SCO1: variants seen among roughly 807,000 people sequenced by gnomAD.
SCO1 encodes the protein synthesis of cytochrome C oxidase 1.
In SCO1, 23 loss-of-function variants were observed where a neutral mutation model predicts 34.0. The observed-to-expected ratio is 0.68, with a 90% CI of 0.49 to 0.96. SCO1 has a LOEUF of 0.96. SCO1 is among the 40% of genes least tolerant of loss of function. SCO1 has a pLI of 0.00. For synonymous variants in SCO1, 161 were observed against 145.5 expected (o/e 1.11, Z -0.77); for missense variants, 404 against 381.6 (o/e 1.06, Z -0.49).
chr17:10,681,297 A>G, intron 5 of SCO1, 44 bp from the exon 6 acceptor site: 1 of 1,605,962 alleles, frequency 6.2e-7, no homozygotes, highest in Admixed American at 1.7e-5. Flanking sequence ...TTACCAAAAT[A>G]AGCTGCTTAT....
At chr17:10,684,722 T>C (rs2151453290) in intron 5 of SCO1, among the ~76,000 whole-genome samples, 2 of 152,370 alleles carry the variant, frequency 1.3e-5, no homozygotes, top group South Asian at 4.1e-4. Context: ...ATCAGACTGA[T>C]GAGCTCATCT....
Position 10,691,976 on chromosome 17 carries a change from T to C in SCO1, c.563-12A>G, listed in dbSNP as rs1048084709. On this transcript the variant is annotated splice_polypyrimidine_tract_variant and intron_variant, in intron 3 of 5. Transcript: ENST00000255390. ...AGTTGTAATGCTATCTGAAAGAGAG[T>C]TCCAATTAGTCCGTATTCACACCCT... 3.8e-6 allele frequency: 6 copies of C among 1,570,596 alleles called. No homozygotes were observed. The highest frequency in any genetic ancestry group is 8.8e-7 in the Non-Finnish European group (1 of 1,141,260).
rs2074570666 is a variant in SCO1, at chr17:10,674,914, G to A, written c.*6205C>T. On this transcript the variant is annotated 3_prime_UTR_variant, in exon 6 of 6. Coordinates refer to ENST00000255390, the MANE Select transcript of SCO1 (RefSeq NM_004589.4). Reference sequence around the variant, plus strand: ...TGTCCCTGGCTTACTCCATCAAAATGCAGTGAGCATCATCAGAGTGGTCCG... The same window carrying A: ...TGTCCCTGGCTTACTCCATCAAAATACAGTGAGCATCATCAGAGTGGTCCG... 1 of 152,246 alleles carries A rather than the reference G, an allele frequency of 6.6e-6. No individual in the cohort carries two copies. Among genetic ancestry groups the A allele is most frequent in the Admixed American group, 6.5e-5 (1 of 15,286 alleles). The allele number at this position is 152,246 out of a possible 1,614,324, so 9.4% of individuals were successfully genotyped here.
At position 10,678,405 on chromosome 17, in the gene SCO1, T is replaced by C. The variant is rs2074596166; in HGVS notation, c.*2714A>G. ...ACATTCTGACTTCAAGCCTTTAAAC[T>C]TGACACTAGAATGAAGAACAAATAA... On this transcript the variant is annotated 3_prime_UTR_variant, in exon 6 of 6. Transcript: ENST00000255390. 1 of 152,210 alleles carries C rather than the reference T, an allele frequency of 6.6e-6. No individual in the cohort carries two copies. The highest frequency in any genetic ancestry group is 6.5e-5 in the Admixed American group (1 of 15,276). 9.4% of individuals were successfully genotyped at this position (152,210 alleles called of 1,614,324 possible).
chr17:10,680,966 G>A lies in SCO1; in HGVS notation c.*153C>T. On this transcript the variant is annotated 3_prime_UTR_variant, in exon 6 of 6. Coordinates refer to ENST00000255390, the MANE Select transcript of SCO1 (RefSeq NM_004589.4). Reference sequence around the variant, plus strand: ...AGAATCAATTTTGGTTGAACGCAAGGGTAACATCCCCATCCAAAACAGAAA... The same window carrying A: ...AGAATCAATTTTGGTTGAACGCAAGAGTAACATCCCCATCCAAAACAGAAA... 1 of 939,006 alleles carries A rather than the reference G, an allele frequency of 1.1e-6. No homozygotes were observed. 58.2% of individuals were successfully genotyped at this position (939,006 alleles called of 1,614,324 possible).
rs1157181807 is a variant in SCO1 at position 10,676,206 on chromosome 17, C to T, written c.*4913G>A. The T allele has an allele frequency of 6.6e-6, 1 of 152,292 alleles. No homozygotes were observed. The highest frequency in any genetic ancestry group is 2.4e-5 in the African/African-American group (1 of 41,442). 9.4% of individuals were successfully genotyped at this position (152,292 alleles called of 1,614,324 possible). ...TCCCAGATTCACACGATTCTCCTAC[C>T]TCAGCCTCCCGAGTAGCTGGGATTA... On this transcript the variant is annotated 3_prime_UTR_variant, in exon 6 of 6. Transcript: ENST00000255390.
intron 5 of SCO1, among the ~76,000 whole-genome samples, chr17:10,682,390 A>C (rs79085080): frequency 0.02 from 3,113 of 152,294 alleles, 118 homozygotes; most frequent in African/African-American, 0.069. Flanking sequence ...ACTGGATTCC[A>C]AGTGCTGTGG....
In SCO1 at chr17:10,695,756, T is replaced by C; in HGVS notation, c.349A>G (p.Lys117Glu). The C allele has an allele frequency of 1.9e-6, 3 of 1,612,698 alleles. No individual in the cohort carries two copies. Among genetic ancestry groups the C allele is most frequent in the Non-Finnish European group, 2.5e-6 (3 of 1,178,938 alleles). ...ALLAGMKHVK[K>E]EKAEKLEKER... ...ATCTACTTACTCTCTGCCTTTTCTTTCTTGACGTGCTTCATTCCAGCCAGT... is the reference window on the plus strand; with the variant it reads ...ATCTACTTACTCTCTGCCTTTTCTTCCTTGACGTGCTTCATTCCAGCCAGT... The change falls in exon 2 of 6, where the codon AAA (lysine) becomes GAA (glutamate). Residue 117 changes from lysine to glutamate, a missense_variant. Transcript: ENST00000255390.
At position 10,678,946 on chromosome 17, in the gene SCO1, G is replaced by GT. The variant is rs1484926324; in HGVS notation, c.*2172dup. 6.7e-6 allele frequency: 1 copy of GT among 148,718 alleles called. No homozygotes were observed. The highest frequency in any genetic ancestry group is 1.5e-5 in the Non-Finnish European group (1 of 67,492). The allele number at this position is 148,718 out of a possible 1,614,324, so 9.2% of individuals were successfully genotyped here. ...TCTGGCTTCTCATGGTCGTCTCACT[G>GT]TGTCTCCTATTCTTTTTGAGACGGA... On this transcript the variant is annotated 3_prime_UTR_variant, in exon 6 of 6. Transcript: ENST00000255390.
In SCO1 at chr17:10,691,879, A is replaced by G. The variant is rs1408483608; in HGVS notation, c.648T>C (p.Tyr216=). The G allele has an allele frequency of 1.2e-6, 2 of 1,604,260 alleles. No homozygotes were observed. The highest frequency in any genetic ancestry group is 1.7e-5 in the Admixed American group (1 of 60,016). Reference sequence around the variant, plus strand: ...TATTATTTAAAAAAATACCTTTCACATAATTTGCGATGGCTTCTTTTGTGT... The same window carrying G: ...TATTATTTAAAAAAATACCTTTCACGTAATTTGCGATGGCTTCTTTTGTGT... The part of the protein sequence containing the change: ...ERDTKEAIAN[Y]VKEFSPKLVG... Residue 216 remains tyrosine, a synonymous_variant, in exon 4 of 6, where the codon TAT becomes TAC. Coordinates refer to ENST00000255390, the MANE Select transcript of SCO1 (RefSeq NM_004589.4).
rs547246209 is a variant in SCO1 at position 10,693,110 on chromosome 17, A to C, written c.365-149T>G. 1.5e-3 allele frequency: 1,037 copies of C among 679,690 alleles called. 28 individuals are homozygous for C. The South Asian group carries it at 0.018, about 12-fold the overall frequency. 42.1% of individuals were successfully genotyped at this position (679,690 alleles called of 1,614,324 possible). On this transcript the variant is annotated intron_variant, in intron 2 of 5. Transcript: ENST00000255390. Reference sequence around the variant, plus strand: ...GTTTCAGTTTTCAAGAAGCTAAAAAAATCTTTTCAGAAAAATAAGCACAAA... The same window carrying C: ...GTTTCAGTTTTCAAGAAGCTAAAAACATCTTTTCAGAAAAATAAGCACAAA...
At chr17:10,693,366 T>G (rs111287883) in intron 2 of SCO1, among the ~76,000 whole-genome samples, 1 of 151,250 alleles carries the variant, frequency 6.6e-6, no homozygotes, top group African/African-American at 2.4e-5. Context: ...GGTGGGGAGG[T>G]GATAGTGGTG....
At chr17:10,685,806 T>G (rs576440573) in intron 5 of SCO1, among the ~76,000 whole-genome samples, 1 of 152,374 alleles carries the variant, frequency 6.6e-6, no homozygotes, top group Non-Finnish European at 1.5e-5. Flanking sequence ...ATGGCTTCTC[T>G]TTATTTCCAA....
At position 10,674,191 on chromosome 17, in the gene SCO1, G is replaced by T. The variant is rs1454600159; in HGVS notation, c.*6928C>A. 3 of 157,842 alleles carry T rather than the reference G, an allele frequency of 1.9e-5. No individual in the cohort carries two copies. Among genetic ancestry groups the T allele is most frequent in the African/African-American group, 7.2e-5 (3 of 41,492 alleles). 9.8% of individuals were successfully genotyped at this position (157,842 alleles called of 1,614,324 possible). A position where few individuals can be genotyped will look rare whatever the true frequency, so the allele number is the denominator to read the frequency against. On this transcript the variant is annotated 3_prime_UTR_variant, in exon 6 of 6. Transcript: ENST00000255390. ...GTACTTTGGGAGGCCAAGGCGGGTG[G>T]ATCACCTGAGGTCAGGAGTTCAAGA...
In SCO1 at chr17:10,684,110, T is replaced by C. The variant is rs146521223; in HGVS notation, c.771+2617A>G. ...TCATCGAATCTCATCAAAAGTCAAA[T>C]TCTTATGGCAGTAGGCCAGTATTTC... On this transcript the variant is annotated intron_variant, in intron 5 of 5. Coordinates refer to ENST00000255390, the MANE Select transcript of SCO1 (RefSeq NM_004589.4). 133 of 152,358 alleles carry C rather than the reference T, an allele frequency of 8.7e-4. 1 individual carries two copies. The highest frequency in any genetic ancestry group is 2.7e-3 in the African/African-American group (114 of 41,582). 9.4% of individuals were successfully genotyped at this position (152,358 alleles called of 1,614,324 possible).
At position 10,678,132 on chromosome 17, in the gene SCO1, A is replaced by G. The variant is rs963876646; in HGVS notation, c.*2987T>C. On this transcript the variant is annotated 3_prime_UTR_variant, in exon 6 of 6. Transcript: ENST00000255390. ...CTCTGTCTCAAAAAAGAAAAGAAAA[A>G]AAAAACAGCCTTGCTTTTGATTTCC... 1 of 152,178 alleles carries G rather than the reference A, an allele frequency of 6.6e-6. No homozygotes were observed. Among genetic ancestry groups the G allele is most frequent in the Non-Finnish European group, 1.5e-5 (1 of 68,068 alleles). 9.4% of individuals were successfully genotyped at this position (152,178 alleles called of 1,614,324 possible). A position where few individuals can be genotyped will look rare whatever the true frequency, so the allele number is the denominator to read the frequency against.
At position 10,680,651 on chromosome 17, in the gene SCO1, C is replaced by G. The variant is rs890989799; in HGVS notation, c.*468G>C. The G allele has an allele frequency of 5.3e-6, 1 of 190,000 alleles. No individual in the cohort carries two copies. The highest frequency in any genetic ancestry group is 1.1e-5 in the Non-Finnish European group (1 of 89,972). The allele number at this position is 190,000 out of a possible 1,614,324, so 11.8% of individuals were successfully genotyped here. ...ACCCTAATCTGACTGTTATTAGCCA[C>G]CAAGAACTCAGAAGAGCAAAGAACT... is the stretch of plus-strand genomic sequence containing the variant. On this transcript the variant is annotated 3_prime_UTR_variant, in exon 6 of 6. Transcript: ENST00000255390.
intron 4 of SCO1, among the ~76,000 whole-genome samples, chr17:10,691,276 G>A (rs750178150): frequency 2.0e-5 from 3 of 151,924 alleles, no homozygotes; most frequent in Non-Finnish European, 2.9e-5. Flanking sequence ...GTGCACCACC[G>A]TGCCTGGCTA....
At chr17:10,695,890 AC>A in intron 1 of SCO1, 59 bp from the exon 2 acceptor site, 2 of 1,274,414 alleles carry the variant, frequency 1.6e-6, no homozygotes, top group Non-Finnish European at 2.3e-6. Context: ...ATTTAACCAT[AC>A]AAACTTATTA....
Sources: allele counts gnomAD v4.1 joint callset (sites outside exome capture counted in the v4.1 genomes callset), GRCh38; gene constraint gnomAD v4.1.1; transcripts MANE v1.5; gene names NCBI Gene and HGNC (gene_info 2026-07-23, HGNC 2026-07-21).